Variants in CCSER1 observed in about 807,000 individuals in gnomAD.
CCSER1 encodes serine-rich coiled-coil domain-containing protein 1.
In CCSER1, 41 loss-of-function variants were observed where a neutral mutation model predicts 82.0. The ratio of observed to expected loss-of-function variants is 0.50; its 90% CI spans 0.39 to 0.65. The LOEUF (loss-of-function observed/expected upper bound fraction) is 0.65, where lower values mean the gene tolerates loss of function less well. Among genes scored for constraint, CCSER1 ranks in the 30% least tolerant of loss-of-function variants. The probability of loss-of-function intolerance (pLI) is 0.00; values close to 1 mark genes in which losing one functional copy is unlikely to be tolerated. For missense variants in CCSER1, 1,119 were observed against 1,064.2 expected (o/e 1.05, Z -0.72); for synonymous variants, 414 against 383.9 (o/e 1.08, Z -0.92).
intron 10 of CCSER1, among the ~76,000 whole-genome samples, chr4:91,147,168 G>A (rs772816352): frequency 6.6e-6 from 1 of 152,210 alleles, no homozygotes; most frequent in Non-Finnish European, 1.5e-5. Context: ...GTCTGGTGAT[G>A]CGGTAGGTCA....
At chr4:90,537,665 C>A (rs1211342099) in intron 5 of CCSER1, among the ~76,000 whole-genome samples, 1 of 152,144 alleles carries the variant, frequency 6.6e-6, no homozygotes, top group African/African-American at 2.4e-5. Context: ...TGGAATTTAG[C>A]TTCCTACTTT....
intron 10 of CCSER1, among the ~76,000 whole-genome samples, chr4:91,581,048 G>C (rs1763702624): frequency 6.6e-6 from 1 of 151,602 alleles, no homozygotes. Context: ...TTTTTAGCTA[G>C]AGGCAGACCT....
At chr4:90,369,279 G>A (rs1190885424) in intron 3 of CCSER1, among the ~76,000 whole-genome samples, 1 of 144,364 alleles carries the variant, frequency 6.9e-6, no homozygotes, top group Non-Finnish European at 1.5e-5. Flanking sequence ...AGAAGAAGAA[G>A]AAAGAAAGGA....
intron 5 of CCSER1, among the ~76,000 whole-genome samples, chr4:90,619,330 C>T (rs1001045004): frequency 2.6e-5 from 4 of 151,730 alleles, no homozygotes; most frequent in African/African-American, 4.8e-5. Context: ...CTGATCCCCG[C>T]AAGAGAAAAA....
intron 1 of CCSER1, among the ~76,000 whole-genome samples, chr4:90,225,814 G>A (rs1279475681): frequency 6.6e-6 from 1 of 152,124 alleles, no homozygotes; most frequent in Non-Finnish European, 1.5e-5. Flanking sequence ...TAACAGCTTT[G>A]CTTCAGTAGT....
chr4:90,559,875 T>G, intron 5 of CCSER1, among the ~76,000 whole-genome samples: 1 of 147,330 alleles, frequency 6.8e-6, no homozygotes, highest in African/African-American at 2.5e-5. Context: ...TCCTACCTAC[T>G]TAGGAGGCTG....
chr4:91,453,481 G>A (rs948217116), intron 10 of CCSER1, among the ~76,000 whole-genome samples: 1 of 152,010 alleles, frequency 6.6e-6, no homozygotes, highest in South Asian at 2.1e-4. Flanking sequence ...ACTTTTTCCA[G>A]AGCACTTTTC....
chr4:90,319,614 T>C (rs36018360), intron 3 of CCSER1, among the ~76,000 whole-genome samples: 2,398 of 149,712 alleles, frequency 0.016, 31 homozygotes, highest in Non-Finnish European at 0.026. Context: ...ATCGCGCCAC[T>C]GCACTACAGT....
At chr4:90,834,817 C>T (rs977638076) in intron 8 of CCSER1, among the ~76,000 whole-genome samples, 7 of 152,086 alleles carry the variant, frequency 4.6e-5, no homozygotes, top group Admixed American at 1.3e-4. Context: ...GATGTGTAAG[C>T]ACGATCTTAT....
chr4:90,688,742 T>C (rs1735271996), intron 6 of CCSER1, among the ~76,000 whole-genome samples: 1 of 152,184 alleles, frequency 6.6e-6, no homozygotes, highest in Non-Finnish European at 1.5e-5. Flanking sequence ...ACTTAACTGA[T>C]ACATCTGTGG....
At chr4:91,501,568 T>A (rs190888042) in intron 10 of CCSER1, among the ~76,000 whole-genome samples, 1 of 152,098 alleles carries the variant, frequency 6.6e-6, no homozygotes, top group Admixed American at 6.6e-5. Flanking sequence ...TTTTCACTTA[T>A]TCCTTATGTT....
intron 10 of CCSER1, among the ~76,000 whole-genome samples, chr4:91,097,545 A>G (rs1724628982): frequency 6.6e-6 from 1 of 152,204 alleles, no homozygotes; most frequent in Non-Finnish European, 1.5e-5. Flanking sequence ...GATAGTTTAT[A>G]CTCTTATAAA....
chr4:90,768,749 T>C (rs1336674840), intron 7 of CCSER1, among the ~76,000 whole-genome samples: 4 of 152,096 alleles, frequency 2.6e-5, no homozygotes, highest in Non-Finnish European at 5.9e-5. Context: ...AGGCAGAAAA[T>C]AGAAAATGTG....
intron 9 of CCSER1, among the ~76,000 whole-genome samples, chr4:91,016,876 G>A (rs186302189): frequency 1.3e-5 from 2 of 152,202 alleles, no homozygotes; most frequent in African/African-American, 2.4e-5. Context: ...TTTAAAGTGT[G>A]AGTTAAGCAT....
chr4:91,355,125 C>T (rs866053064), intron 10 of CCSER1, among the ~76,000 whole-genome samples: 1 of 152,090 alleles, frequency 6.6e-6, no homozygotes, highest in South Asian at 2.1e-4. Flanking sequence ...TTTTTTTAAT[C>T]CTCTTTTCAA....
intron 8 of CCSER1, among the ~76,000 whole-genome samples, chr4:90,874,185 C>T (rs939854186): frequency 7.9e-5 from 12 of 152,050 alleles, no homozygotes; most frequent in Non-Finnish European, 1.5e-4. Flanking sequence ...TCTCATATTT[C>T]CAGTTATCTC....
chr4:91,591,240 GATTT>G (rs1159634369), intron 10 of CCSER1, among the ~76,000 whole-genome samples: 10 of 152,018 alleles, frequency 6.6e-5, no homozygotes, highest in South Asian at 2.1e-4. Context: ...TTACATTTAA[GATTT>G]ATTTATAAAT....
chr4:90,868,857 G>A (rs1766078583), intron 8 of CCSER1, among the ~76,000 whole-genome samples: 1 of 151,748 alleles, frequency 6.6e-6, no homozygotes, highest in African/African-American at 2.4e-5. Flanking sequence ...CCACATCCTT[G>A]CCAGCATTTG....
intron 9 of CCSER1, among the ~76,000 whole-genome samples, chr4:90,984,037 C>T (rs1316210217): frequency 2.0e-5 from 3 of 151,734 alleles, no homozygotes; most frequent in Non-Finnish European, 4.4e-5. Context: ...GTCCTGGGCA[C>T]AATGCCTTCC....
Sources: gnomAD v4.1 joint callset for allele counts (sites outside exome capture counted in the v4.1 genomes callset) on GRCh38, gnomAD v4.1.1 for gene constraint, MANE v1.5 for transcripts, NCBI Gene and HGNC (gene_info 2026-07-23, HGNC 2026-07-21) for gene names.